The following CES4A variants were observed in gnomAD, a reference collection of about 807,000 sequenced individuals.
CES4A encodes carboxylesterase 6.
Under a neutral mutation model 65.4 loss-of-function variants are expected in CES4A, and 48 were observed. The ratio of observed to expected loss-of-function variants is 0.73; its 90% CI spans 0.58 to 0.93. The LOEUF (loss-of-function observed/expected upper bound fraction) is 0.93, where lower values mean the gene tolerates loss of function less well. Ranked by LOEUF, CES4A falls within the 40% of genes least tolerant of loss-of-function variation. The probability of loss-of-function intolerance (pLI) is 0.00; values close to 1 mark genes in which losing one functional copy is unlikely to be tolerated. For synonymous variants in CES4A, 247 were observed against 281.8 expected (o/e 0.88, Z 1.24); for missense variants, 685 against 728.5 (o/e 0.94, Z 0.69).
intron 1 of CES4A, among the ~76,000 whole-genome samples, chr16:66,992,965 C>T (rs1193651928): frequency 2.6e-5 from 4 of 152,092 alleles, no homozygotes; most frequent in South Asian, 2.1e-4. Flanking sequence ...GGCTTATAGG[C>T]GTGAGCCACC....
Position 67,000,068 on chromosome 16 carries a change from G to A in CES4A, c.261-570G>A, listed in dbSNP as rs1965159551. On this transcript the variant is annotated intron_variant, in intron 2 of 13. Transcript: ENST00000648724. This position sits in a 1 kb window ranked among gnomAD's most constrained non-coding sequence, Gnocchi z 4.2. ...ATCTTAACTTTATCCTGAGGGCAGT[G>A]GAGAGCCAGGGAAGATTTTTGTTGA... 6.6e-6 allele frequency among the ~76,000 whole-genome samples: 1 copy of A among 152,192 alleles called. No homozygotes were observed.
chr16:67,000,803 C>T lies in CES4A; in HGVS notation c.402+24C>T, dbSNP rs936819454. 1.3e-6 allele frequency: 2 copies of T among 1,551,138 alleles called. No individual in the cohort carries two copies. Among genetic ancestry groups the T allele is most frequent in the South Asian group, 2.4e-5 (2 of 84,224 alleles). ...CAGTGAGTGCCAGGTCTCCCGCGCC[C>T]GCGGTCCCACCGCCGCCCACCGCCC... is the stretch of plus-strand genomic sequence containing the variant. On this transcript the variant is annotated intron_variant, in intron 3 of 13. Transcript: ENST00000648724. This position sits in a 1 kb window ranked among gnomAD's most constrained non-coding sequence, Gnocchi z 4.2.
At chr16:66,996,372 G>A (rs1330667026) in intron 2 of CES4A, among the ~76,000 whole-genome samples, 1 of 152,152 alleles carries the variant, frequency 6.6e-6, no homozygotes, top group Non-Finnish European at 1.5e-5. Flanking sequence ...CCAGGCAAGG[G>A]GGAGGCTGTC....
rs1965535396 is a variant in CES4A at position 67,003,793 on chromosome 16, T to C, written c.939+240T>C. 6.6e-6 allele frequency among the ~76,000 whole-genome samples: 1 copy of C among 152,134 alleles called. No homozygotes were observed. The highest frequency in any genetic ancestry group is 1.9e-4 in the East Asian group (1 of 5,198). On this transcript the variant is annotated intron_variant, in intron 8 of 13. Coordinates refer to ENST00000648724, the Ensembl canonical transcript of CES4A. This position sits in a 1 kb window ranked among gnomAD's most constrained non-coding sequence, Gnocchi z 4.2. ...TGGACATTTTGGGAGGTATGGACTTTTAAATAGAATGGCTAGAACAGGACT... is the reference window on the plus strand; with the variant it reads ...TGGACATTTTGGGAGGTATGGACTTCTAAATAGAATGGCTAGAACAGGACT...
chr16:66,988,783 T>G, exon 1 of CES4A: 1 of 1,566,312 alleles, frequency 6.4e-7, no homozygotes, highest in Non-Finnish European at 8.7e-7. Flanking sequence ...ATGAGGTGGA[T>G]TCTGTGCTGG....
intron 2 of CES4A, among the ~76,000 whole-genome samples, chr16:66,998,016 A>G (rs142277105): frequency 6.7e-6 from 1 of 149,652 alleles, no homozygotes; most frequent in East Asian, 2.0e-4. Context: ...TTTGGGGCCT[A>G]TTAAATTTGA....
intron 9 of CES4A, among the ~76,000 whole-genome samples, chr16:67,004,538 C>T (rs1339975518): frequency 1.3e-5 from 2 of 152,232 alleles, no homozygotes; most frequent in Non-Finnish European, 2.9e-5. Flanking sequence ...CCCTCCCTTG[C>T]TCCTGGGTCA....
At chr16:66,999,756 G>A (rs940767998) in intron 2 of CES4A, among the ~76,000 whole-genome samples, 2 of 152,222 alleles carry the variant, frequency 1.3e-5, no homozygotes, top group African/African-American at 4.8e-5. Context: ...AGCCAAGATC[G>A]TGCCACTACA....
intron 13 of CES4A, 119 bp downstream of exon 13, chr16:67,006,936 A>T (rs1965810495): frequency 2.3e-6 from 2 of 859,418 alleles, no homozygotes; most frequent in African/African-American, 3.4e-5. Flanking sequence ...GTCGGCCCAA[A>T]CAGGGTGCCC....
intron 1 of CES4A, among the ~76,000 whole-genome samples, chr16:66,989,924 A>G (rs1230039773): frequency 1.3e-5 from 2 of 151,748 alleles, no homozygotes; most frequent in Non-Finnish European, 2.9e-5. Context: ...CAAAGTTACC[A>G]CTAGTCTGAC....
In CES4A at chr16:67,001,083, G is replaced by T; in HGVS notation, c.536+93G>T. 1 of 1,090,732 alleles carries T rather than the reference G, an allele frequency of 9.2e-7. No homozygotes were observed. Among genetic ancestry groups the T allele is most frequent in the Non-Finnish European group, 1.3e-6 (1 of 782,716 alleles). 67.6% of individuals were successfully genotyped at this position (1,090,732 alleles called of 1,614,324 possible). A position where few individuals can be genotyped will look rare whatever the true frequency, so the allele number is the denominator to read the frequency against. On this transcript the variant is annotated intron_variant, in intron 4 of 13. Coordinates refer to ENST00000648724, the Ensembl canonical transcript of CES4A. The surrounding 1 kb of genome is among the most constrained non-coding windows in gnomAD (Gnocchi z 4.1). ...GGGGCGGGGCCTGGGGCGGGGATGG[G>T]GGGGGTGGGGCCGCGAGGCGGGGGC... is the stretch of plus-strand genomic sequence containing the variant.
rs746938215 is a variant in CES4A, at chr16:67,000,932, C to T, written c.478C>T (p.Arg160Cys). 4 of 1,613,320 alleles carry T rather than the reference C, an allele frequency of 2.5e-6. No homozygotes were observed. The highest frequency in any genetic ancestry group is 2.5e-6 in the Non-Finnish European group (3 of 1,179,634). ...GTACGAGGGCTCTGACTTGGCCGCC[C>T]GCGAGAAAGTGGTGCTGGTGTTTCT... The change falls in exon 4 of 14, where the codon CGC (arginine) becomes TGC (cysteine). Residue 160 changes from arginine (R) to cysteine (C), a missense_variant. Coordinates refer to ENST00000648724, the Ensembl canonical transcript of CES4A. This position sits in a 1 kb window ranked among gnomAD's most constrained non-coding sequence, Gnocchi z 4.2.
At chr16:66,996,641 A>G (rs1964880478) in intron 2 of CES4A, among the ~76,000 whole-genome samples, 1 of 152,208 alleles carries the variant, frequency 6.6e-6, no homozygotes, top group African/African-American at 2.4e-5. Flanking sequence ...TTCTGTGGCA[A>G]TCATTAACAA....
rs532155640 is a variant in CES4A at position 66,998,109 on chromosome 16, A to G, written c.260+2280A>G. Among the ~76,000 whole-genome samples, 5 of 152,056 alleles carry G rather than the reference A, an allele frequency of 3.3e-5. No individual in the cohort carries two copies. In the East Asian group the frequency reaches 9.7e-4, roughly 29 times the overall value. On this transcript the variant is annotated intron_variant, in intron 2 of 13. Transcript: ENST00000648724. ...AAGGCAAACTGATCATCAGCACATC[A>G]GTGGTGTGAAGCCCCTGGGCCTGGA... is the stretch of plus-strand genomic sequence containing the variant.
At chr16:67,002,440 T>C (rs1436620205) in intron 5 of CES4A, among the ~76,000 whole-genome samples, 1 of 151,706 alleles carries the variant, frequency 6.6e-6, no homozygotes, top group Non-Finnish European at 1.5e-5. Flanking sequence ...CTAGGAGAGA[T>C]CATGGGGCTG....
chr16:67,003,433 C>G lies in CES4A; in HGVS notation c.900+73C>G. The G allele has an allele frequency of 6.3e-7, 1 of 1,586,664 alleles. No individual in the cohort carries two copies. Among genetic ancestry groups the G allele is most frequent in the Non-Finnish European group, 8.7e-7 (1 of 1,155,332 alleles). On this transcript the variant is annotated intron_variant, in intron 7 of 13. Coordinates refer to ENST00000648724, the Ensembl canonical transcript of CES4A. The surrounding 1 kb of genome is among the most constrained non-coding windows in gnomAD (Gnocchi z 4.2). ...CTCCTATCCTGGTACCCAGCCACCC[C>G]CAACTACTTCCCCAGGGACCCTGTC...
intron 1 of CES4A, among the ~76,000 whole-genome samples, chr16:66,994,732 G>C (rs988169159): frequency 6.6e-6 from 1 of 151,270 alleles, no homozygotes; most frequent in Non-Finnish European, 1.5e-5. Context: ...CCAGCTACTC[G>C]GGAGGCCGAG....
At position 67,003,546 on chromosome 16, in the gene CES4A, C is replaced by A; in HGVS notation, c.932C>A (p.Pro311Gln). 1.2e-6 allele frequency: 2 copies of A among 1,612,934 alleles called. No homozygotes were observed. The highest frequency in any genetic ancestry group is 1.7e-6 in the Non-Finnish European group (2 of 1,178,916). The change falls in exon 8 of 14, where the codon CCG (proline) becomes CAG (glutamine). Residue 311 changes from proline to glutamine, a missense_variant. Coordinates refer to ENST00000648724, the Ensembl canonical transcript of CES4A. The surrounding 1 kb of genome is among the most constrained non-coding windows in gnomAD (Gnocchi z 4.2). Reference sequence around the variant, plus strand: ...CTCCAACTGAACTTCCAGAGAGACCCGGAAGAGGTAAACAGGCCACATTCT... The same window carrying A: ...CTCCAACTGAACTTCCAGAGAGACCAGGAAGAGGTAAACAGGCCACATTCT...
At chr16:66,995,510 C>T in intron 1 of CES4A, 118 bp from the exon 2 acceptor site, 2 of 836,746 alleles carry the variant, frequency 2.4e-6, no homozygotes, top group South Asian at 1.6e-5. Flanking sequence ...GCAGGGGTGA[C>T]CCTTTTCCCC....
Sources: allele counts gnomAD v4.1 joint callset (sites outside exome capture counted in the v4.1 genomes callset), GRCh38; gene constraint gnomAD v4.1.1; non-coding constraint Gnocchi (gnomAD v3.1); transcripts MANE v1.5; gene names NCBI Gene and HGNC (gene_info 2026-07-23, HGNC 2026-07-21).